The following RTF2 variants were observed in gnomAD, a reference collection of about 807,000 sequenced individuals.
The protein encoded by RTF2 is UPF0549 protein C20orf43.
A neutral mutation model predicts 38.0 loss-of-function variants in RTF2; 18 were observed. That is an observed-to-expected ratio of 0.47 (90% CI 0.33 to 0.70). The LOEUF (loss-of-function observed/expected upper bound fraction) is 0.70. RTF2 is among the 30% of genes least tolerant of loss of function. The pLI is 0.02. For missense variants in RTF2, 311 were observed against 379.6 expected (o/e 0.82, Z 1.50); for synonymous variants, 126 against 137.1 (o/e 0.92, Z 0.57).
At position 56,493,269 on chromosome 20, in the gene RTF2, G is replaced by A. The variant is rs1048566500; in HGVS notation, c.477+9080G>A. On this transcript the variant is annotated intron_variant, in intron 5 of 8. Coordinates refer to ENST00000357348, the MANE Select transcript of RTF2 (RefSeq NM_016407.5). Reference sequence around the variant, plus strand: ...GTGTTGTTTCTAAGACTATGTAAGTGGCAGCTGTTACCATGATTTAACAAA... The same window carrying A: ...GTGTTGTTTCTAAGACTATGTAAGTAGCAGCTGTTACCATGATTTAACAAA... Among the ~76,000 whole-genome samples the A allele has an allele frequency of 1.2e-4, 18 of 152,156 alleles. 2 individuals carry two copies. Among genetic ancestry groups the A allele is most frequent in the Admixed American group, 1.0e-3 (16 of 15,272 alleles).
chr20:56,474,099 C>T (rs1204384876), intron 2 of RTF2, among the ~76,000 whole-genome samples: 1 of 152,162 alleles, frequency 6.6e-6, no homozygotes. Flanking sequence ...AGAAGAAATA[C>T]GTACTTATAC....
intron 3 of RTF2, among the ~76,000 whole-genome samples, chr20:56,476,496 T>A (rs2146318346): frequency 1.0e-5 from 1 of 99,872 alleles, no homozygotes; most frequent in Admixed American, 1.3e-4. Flanking sequence ...TCTTGTTTTC[T>A]GTTTTCTTTT....
intron 4 of RTF2, among the ~76,000 whole-genome samples, chr20:56,482,912 C>G (rs1982596845): frequency 6.6e-6 from 1 of 152,206 alleles, no homozygotes; most frequent in African/African-American, 2.4e-5. Context: ...CTCCACGCCT[C>G]TGCATATAGA....
chr20:56,508,113 C>T (rs887957299), intron 5 of RTF2, among the ~76,000 whole-genome samples: 3 of 152,140 alleles, frequency 2.0e-5, no homozygotes, highest in East Asian at 1.9e-4. Context: ...AAGGTATCTT[C>T]AGTCACGAAA....
intron 5 of RTF2, among the ~76,000 whole-genome samples, chr20:56,484,692 C>G (rs771687426): frequency 9.2e-5 from 14 of 152,242 alleles, no homozygotes; most frequent in Non-Finnish European, 2.1e-4. Context: ...AGCGTGCCCT[C>G]AGTAAATGCT....
intron 5 of RTF2, chr20:56,491,884 C>T (rs1286909680): frequency 1.3e-6 from 1 of 784,614 alleles, no homozygotes; most frequent in Non-Finnish European, 2.1e-6. Context: ...AGTGGTGAGC[C>T]TCAGCTTCAC....
Position 56,474,641 on chromosome 20 carries a change from G to A in RTF2, c.165-37G>A, listed in dbSNP as rs370854061. 2.7e-5 allele frequency: 36 copies of A among 1,334,636 alleles called. No individual in the cohort carries two copies. In the Admixed American group the frequency reaches 4.5e-4, roughly 17 times the overall value. 82.7% of individuals were successfully genotyped at this position (1,334,636 alleles called of 1,614,324 possible). On this transcript the variant is annotated intron_variant, in intron 2 of 8. Coordinates refer to ENST00000357348, the MANE Select transcript of RTF2 (RefSeq NM_016407.5). ...TTCCTTCTTTGGTTATTTGAAAGTC[G>A]CTTGTTGACATAATATTCTAATACT...
rs189531189 is a variant in RTF2 at position 56,490,678 on chromosome 20, G to T, written c.477+6489G>T. On this transcript the variant is annotated intron_variant, in intron 5 of 8. Transcript: ENST00000357348. ...AAAAATACAAAAAAATTAGCCAGGC[G>T]TGGTGGTGCATGCCTGTAATTCCAG... is the stretch of plus-strand genomic sequence containing the variant. 2.8e-3 allele frequency among the ~76,000 whole-genome samples: 434 copies of T among 152,328 alleles called. 1 individual carries two copies. The highest frequency in any genetic ancestry group is 4.4e-3 in the Non-Finnish European group (302 of 68,026).
At chr20:56,474,899 C>G (rs1253785911) in intron 3 of RTF2, 128 bp downstream of exon 3, 10 of 557,348 alleles carry the variant, frequency 1.8e-5, no homozygotes, top group Non-Finnish European at 2.9e-5. Context: ...CCATCTAATA[C>G]AGGTATGATC....
At chr20:56,505,891 C>T (rs1174611506) in intron 5 of RTF2, among the ~76,000 whole-genome samples, 3 of 152,008 alleles carry the variant, frequency 2.0e-5, no homozygotes, top group Admixed American at 6.6e-5. Flanking sequence ...AAAGGACATA[C>T]GATATAATTT....
intron 4 of RTF2, among the ~76,000 whole-genome samples, chr20:56,478,791 G>T (rs574297447): frequency 6.6e-6 from 1 of 152,116 alleles, no homozygotes; most frequent in African/African-American, 2.4e-5. Context: ...AGATTTCTCT[G>T]TATGTAGCAT....
chr20:56,475,710 G>A (rs1346983500), intron 3 of RTF2, among the ~76,000 whole-genome samples: 2 of 151,954 alleles, frequency 1.3e-5, no homozygotes, highest in Non-Finnish European at 2.9e-5. Context: ...CCTCTCTCAA[G>A]CCTTGTTGTG....
chr20:56,503,149 G>T (rs1490417644), intron 5 of RTF2, among the ~76,000 whole-genome samples: 1 of 152,160 alleles, frequency 6.6e-6, no homozygotes, highest in African/African-American at 2.4e-5. Context: ...TTGAAAATGT[G>T]GTGTCTCTTT....
chr20:56,511,766 G>A (rs549863677), intron 5 of RTF2, among the ~76,000 whole-genome samples: 63 of 152,090 alleles, frequency 4.1e-4, no homozygotes, highest in African/African-American at 1.4e-3. Flanking sequence ...TGTCCACTAG[G>A]GAGCAGGATC....
intron 4 of RTF2, among the ~76,000 whole-genome samples, chr20:56,479,306 A>G (rs907452771): frequency 6.6e-6 from 1 of 151,522 alleles, no homozygotes; most frequent in Non-Finnish European, 1.5e-5. Context: ...GCTCACTGCA[A>G]CCCCCACCTC....
At chr20:56,513,009 A>T (rs1295938973) in intron 5 of RTF2, among the ~76,000 whole-genome samples, 1 of 152,178 alleles carries the variant, frequency 6.6e-6, no homozygotes, top group Admixed American at 6.5e-5. Flanking sequence ...TGTTCATACA[A>T]AAGGGTCTAG....
In RTF2 at chr20:56,485,565, G is replaced by A. The variant is rs181197541; in HGVS notation, c.477+1376G>A. On this transcript the variant is annotated intron_variant, in intron 5 of 8. Transcript: ENST00000357348. ...TGGGTGGCTCCCGTTACCTAGGCCC[G>A]GAGGCAGGCAGAGGTGAGTGGGGAA... Among the ~76,000 whole-genome samples the A allele has an allele frequency of 1.9e-3, 290 of 152,300 alleles. 2 individuals are homozygous for A. Among genetic ancestry groups the A allele is most frequent in the African/African-American group, 6.6e-3 (274 of 41,556 alleles).
chr20:56,494,102 G>A (rs766170155), intron 5 of RTF2, among the ~76,000 whole-genome samples: 7 of 152,032 alleles, frequency 4.6e-5, no homozygotes, highest in East Asian at 1.9e-4. Context: ...CCCAAAGCTC[G>A]GACCCGGAAG....
In RTF2 at chr20:56,513,259, G is replaced by A. The variant is rs574947406; in HGVS notation, c.478-56G>A. 19 of 1,548,716 alleles carry A rather than the reference G, an allele frequency of 1.2e-5. No homozygotes were observed. In the African/African-American group the frequency reaches 1.2e-4, roughly 10 times the overall value. ...GGGGCTGAGAGTGGGGGACTGAAGCGTGGCCTCCCCATTGACTGGTGATGG... is the reference window on the plus strand; with the variant it reads ...GGGGCTGAGAGTGGGGGACTGAAGCATGGCCTCCCCATTGACTGGTGATGG... On this transcript the variant is annotated intron_variant, in intron 5 of 8. Transcript: ENST00000357348.
Sources: allele counts gnomAD v4.1 joint callset (sites outside exome capture counted in the v4.1 genomes callset), GRCh38; gene constraint gnomAD v4.1.1; transcripts MANE v1.5; gene names NCBI Gene and HGNC (gene_info 2026-07-23, HGNC 2026-07-21).